Variants in TTC12 observed in about 807,000 individuals in gnomAD.
The protein encoded by TTC12 is tetratricopeptide repeat protein 12.
TTC12 carries 70 observed loss-of-function variants against 90.1 expected under a neutral mutation model. The observed-to-expected ratio is 0.78, with a 90% confidence interval of 0.64 to 0.95. TTC12 has a LOEUF of 0.95. TTC12 is among the 40% of genes least tolerant of loss of function. The pLI, the probability that TTC12 is intolerant of heterozygous loss-of-function variation, is 0.00. For synonymous variants in TTC12, 296 were observed against 311.5 expected (o/e 0.95, Z 0.53); for missense variants, 819 against 846.1 (o/e 0.97, Z 0.40).
chr11:113,366,712 G>A (rs1426750163), downstream of TTC12, among the ~76,000 whole-genome samples: 2 of 152,218 alleles, frequency 1.3e-5, no homozygotes, highest in Admixed American at 1.3e-4. Context: ...TTTCAGCTCC[G>A]TTTTTCCAGC....
chr11:113,339,550 G>A, intron 10 of TTC12, 76 bp downstream of exon 10: 3 of 1,309,382 alleles, frequency 2.3e-6, no homozygotes, highest in Admixed American at 4.4e-5. Flanking sequence ...CCTTTACCAG[G>A]CCAAGAATCC....
chr11:113,355,305 T>C (rs1565619237), intron 16 of TTC12, among the ~76,000 whole-genome samples: 1 of 152,184 alleles, frequency 6.6e-6, no homozygotes, highest in Non-Finnish European at 1.5e-5. Flanking sequence ...AGTGGTGATA[T>C]CCCCCCTGTT....
chr11:113,316,427 T>C (rs1555135651), intron 2 of TTC12, 112 bp downstream of exon 2: 2 of 476,350 alleles, frequency 4.2e-6, no homozygotes, highest in African/African-American at 2.0e-5. Context: ...AGGAAAAAAA[T>C]GTAATTGAAA....
chr11:113,326,727 T>C (rs1044769918), intron 6 of TTC12, among the ~76,000 whole-genome samples: 1 of 152,222 alleles, frequency 6.6e-6, no homozygotes, highest in Non-Finnish European at 1.5e-5. Flanking sequence ...AAACTTGTTA[T>C]AAGGAAGTGA....
chr11:113,351,217 C>T (rs1555150055), intron 14 of TTC12, 22 bp from the exon 15 acceptor site: 1 of 1,612,074 alleles, frequency 6.2e-7, no homozygotes, highest in African/African-American at 1.3e-5. Flanking sequence ...AAAATAAATC[C>T]TGGCTGATGG....
intron 15 of TTC12, 113 bp downstream of exon 15, chr11:113,351,412 C>G (rs1316837085): frequency 1.2e-6 from 1 of 852,730 alleles, no homozygotes; most frequent in Non-Finnish European, 1.9e-6. Flanking sequence ...GTTGATTAGT[C>G]ATTTATTCAC....
At chr11:113,328,302 A>C (rs11214575) in intron 6 of TTC12, among the ~76,000 whole-genome samples, 6,229 of 152,260 alleles carry the variant, frequency 0.041, 429 homozygotes, top group African/African-American at 0.14. Flanking sequence ...TACTGTGTCC[A>C]GTAATTAATA....
Position 113,316,157 on chromosome 11 carries a change from C to T in TTC12, c.-15-86C>T, listed in dbSNP as rs7130072. 0.28 allele frequency: 148,378 copies of T among 528,770 alleles called. 22,109 individuals are homozygous for T. Among genetic ancestry groups the T allele is most frequent in the Admixed American group, 0.32 (8,072 of 25,048 alleles). The allele number at this position is 528,770 out of a possible 1,614,324, so 32.8% of individuals were successfully genotyped here. Reference sequence around the variant, plus strand: ...AACTGTCATAAAAATAATCACTTGGCTCTTAGTTTTAGAAGGCTAATAAGC... The same window carrying T: ...AACTGTCATAAAAATAATCACTTGGTTCTTAGTTTTAGAAGGCTAATAAGC... On this transcript the variant is annotated intron_variant, in intron 1 of 21. Coordinates refer to ENST00000529221, the MANE Select transcript of TTC12 (RefSeq NM_017868.4).
chr11:113,367,567 A>G (rs1216814042), downstream of TTC12, among the ~76,000 whole-genome samples: 1 of 152,268 alleles, frequency 6.6e-6, no homozygotes, highest in Non-Finnish European at 1.5e-5. Context: ...CAAGCTGGCC[A>G]TTCTCTGAAG....
chr11:113,327,822 A>G (rs1189680936), intron 6 of TTC12, among the ~76,000 whole-genome samples: 1 of 152,212 alleles, frequency 6.6e-6, no homozygotes, highest in Non-Finnish European at 1.5e-5. Context: ...GGAGAAAAGG[A>G]TGATGCTTTA....
chr11:113,367,951 A>T (rs1179791624), downstream of TTC12, among the ~76,000 whole-genome samples: 1 of 152,240 alleles, frequency 6.6e-6, no homozygotes, highest in African/African-American at 2.4e-5. Flanking sequence ...CAGAGCACAA[A>T]GAAGAAAATT....
chr11:113,347,802 A>C (rs1419125710), intron 13 of TTC12, among the ~76,000 whole-genome samples: 1 of 152,200 alleles, frequency 6.6e-6, no homozygotes, highest in African/African-American at 2.4e-5. Flanking sequence ...TGGAATTCAT[A>C]TTCCCAAAAG....
intron 13 of TTC12, among the ~76,000 whole-genome samples, chr11:113,347,946 A>G (rs2138023464): frequency 6.6e-6 from 1 of 152,282 alleles, no homozygotes; most frequent in African/African-American, 2.4e-5. Flanking sequence ...TTGTCAGGAC[A>G]CCATCCTTCC....
At chr11:113,348,553 C>T (rs1949097059) in intron 13 of TTC12, among the ~76,000 whole-genome samples, 1 of 152,202 alleles carries the variant, frequency 6.6e-6, no homozygotes, top group Non-Finnish European at 1.5e-5. Flanking sequence ...TCCAATCCAG[C>T]CTCCACCATA....
intron 16 of TTC12, among the ~76,000 whole-genome samples, chr11:113,354,442 A>C (rs958991976): frequency 2.0e-5 from 3 of 152,280 alleles, no homozygotes; most frequent in Admixed American, 6.5e-5. Context: ...TCCTATATAG[A>C]TGCCCTTTAT....
In TTC12 at chr11:113,341,822, C is replaced by CT; in HGVS notation, c.897-12dup. The stretch of plus-strand genomic sequence containing the variant: ...TTTTCAGACTTTTAAGATAGCTCTC[C>CT]TTTGTCCATTCTAGGTGTTTTTCCA... On this transcript the variant is annotated splice_polypyrimidine_tract_variant and intron_variant, in intron 11 of 21. Coordinates refer to ENST00000529221, the MANE Select transcript of TTC12 (RefSeq NM_017868.4). The CT allele has an allele frequency of 6.2e-7, 1 of 1,601,098 alleles. No homozygotes were observed. Among genetic ancestry groups the CT allele is most frequent in the Non-Finnish European group, 8.6e-7 (1 of 1,168,302 alleles).
rs561264441 is a variant in TTC12 at position 113,341,396 on chromosome 11, GATATAA to G, written c.897-432_897-427del. Among the ~76,000 whole-genome samples, 550 of 152,324 alleles carry G rather than the reference GATATAA, an allele frequency of 3.6e-3. 10 individuals carry two copies. The highest frequency in any genetic ancestry group is 0.021 in the Admixed American group (318 of 15,296). ...GAATTTGCTGATCATATCAAGAAGT[GATATAA>G]ATATAAATGGGCCAATCCCATTTAT... On this transcript the variant is annotated intron_variant, in intron 11 of 21. Transcript: ENST00000529221.
Position 113,335,185 on chromosome 11 carries a change from G to A in TTC12, c.576+148G>A, listed in dbSNP as rs977866006. 11 of 647,224 alleles carry A rather than the reference G, an allele frequency of 1.7e-5. No homozygotes were observed. The African/African-American group carries it at 2.0e-4, about 12-fold the overall frequency. 40.1% of individuals were successfully genotyped at this position (647,224 alleles called of 1,614,324 possible). On this transcript the variant is annotated intron_variant, in intron 8 of 21. Coordinates refer to ENST00000529221, the MANE Select transcript of TTC12 (RefSeq NM_017868.4). ...AGGTAAAGCTCAAGATCTTAAAGTTGGGAAGAATTTTGGGTGTCAGTTAGT... is the reference window on the plus strand; with the variant it reads ...AGGTAAAGCTCAAGATCTTAAAGTTAGGAAGAATTTTGGGTGTCAGTTAGT...
intron 8 of TTC12, among the ~76,000 whole-genome samples, chr11:113,336,917 A>T (rs1555144236): frequency 6.6e-6 from 1 of 152,220 alleles, no homozygotes; most frequent in East Asian, 1.9e-4. Flanking sequence ...GTATTACATG[A>T]ATTCATAAAT....
Sources: allele counts gnomAD v4.1 joint callset (sites outside exome capture counted in the v4.1 genomes callset), GRCh38; gene constraint gnomAD v4.1.1; transcripts MANE v1.5; gene names NCBI Gene and HGNC (gene_info 2026-07-23, HGNC 2026-07-21).